The following KIAA0232 variants were observed in gnomAD, a reference collection of about 807,000 sequenced individuals.
KIAA0232 encodes the protein uncharacterized protein KIAA0232.
KIAA0232 carries 27 observed loss-of-function variants against 122.0 expected under a neutral mutation model. That is an observed-to-expected ratio of 0.22 (90% CI 0.16 to 0.31). KIAA0232 has a LOEUF of 0.31. Among genes scored for constraint, KIAA0232 ranks in the 10% least tolerant of loss-of-function variants. KIAA0232 has a pLI of 1.00. For synonymous variants in KIAA0232, 613 were observed against 587.6 expected (o/e 1.04, Z -0.63); for missense variants, 1,551 against 1,634.2 (o/e 0.95, Z 0.88).
rs1314879168 is a variant in KIAA0232, at chr4:6,856,667, C to T, written c.370-497C>T. 2.9e-5 allele frequency among the ~76,000 whole-genome samples: 4 copies of T among 136,012 alleles called. No homozygotes were observed. In the South Asian group the frequency reaches 9.9e-4, roughly 34 times the overall value. 89.2% of individuals were successfully genotyped at this position (136,012 alleles called of 152,430 possible). The stretch of plus-strand genomic sequence containing the variant: ...TTCTGTTGTTTTAATCATGAGTGTT[C>T]ATGTTTCTTTAAAACAGAAAAAAAA... On this transcript the variant is annotated intron_variant, in intron 4 of 9. Transcript: ENST00000307659.
At chr4:6,843,770 A>C (rs1186123364) in intron 4 of KIAA0232, among the ~76,000 whole-genome samples, 2 of 151,934 alleles carry the variant, frequency 1.3e-5, no homozygotes, top group Non-Finnish European at 2.9e-5. Flanking sequence ...ACTCCATCTC[A>C]AGAAAATAAA....
At chr4:6,811,750 T>A (rs993793534) in intron 2 of KIAA0232, among the ~76,000 whole-genome samples, 2 of 137,812 alleles carry the variant, frequency 1.5e-5, no homozygotes, top group Admixed American at 7.0e-5. Flanking sequence ...TGGCCTAATT[T>A]TTTTTTTTTT....
chr4:6,842,849 A>G lies in KIAA0232; in HGVS notation c.369+645A>G, dbSNP rs112876865. 8.0e-3 allele frequency among the ~76,000 whole-genome samples: 1,225 copies of G among 152,194 alleles called. 7 individuals carry two copies. The highest frequency in any genetic ancestry group is 0.013 in the Admixed American group (204 of 15,298). ...GGTGATCTGCCTGCCGTGGCCTCCC[A>G]AAGTGCTGAGATTATAGGCATGAGC... On this transcript the variant is annotated intron_variant, in intron 4 of 9. Transcript: ENST00000307659.
At position 6,882,684 on chromosome 4, in the gene KIAA0232, T is replaced by C. The variant is rs1423396780; in HGVS notation, c.*1718T>C. The C allele has an allele frequency of 1.3e-5, 2 of 152,662 alleles. No homozygotes were observed. Among genetic ancestry groups the C allele is most frequent in the African/African-American group, 2.4e-5 (1 of 41,456 alleles). 9.5% of individuals were successfully genotyped at this position (152,662 alleles called of 1,614,324 possible). The stretch of plus-strand genomic sequence containing the variant: ...CGCGCGCATGTGTAAGGTTTTATGT[T>C]GCTGTTATTTATTTACGAACTTCAG... On this transcript the variant is annotated 3_prime_UTR_variant, in exon 10 of 10. Coordinates refer to ENST00000307659, the MANE Select transcript of KIAA0232 (RefSeq NM_014743.3).
chr4:6,822,393 G>A (rs1281803019), intron 2 of KIAA0232, among the ~76,000 whole-genome samples: 1 of 152,166 alleles, frequency 6.6e-6, no homozygotes, highest in African/African-American at 2.4e-5. Flanking sequence ...ACTACATAGT[G>A]ATAGATAAAT....
intron 9 of KIAA0232, among the ~76,000 whole-genome samples, chr4:6,879,149 C>T (rs1577425168): frequency 6.6e-6 from 1 of 152,162 alleles, no homozygotes; most frequent in Non-Finnish European, 1.5e-5. Flanking sequence ...ATGGTCTTTT[C>T]ATTGTCCTTC....
chr4:6,799,086 A>C (rs1717260912), intron 1 of KIAA0232, among the ~76,000 whole-genome samples: 1 of 151,874 alleles, frequency 6.6e-6, no homozygotes, highest in African/African-American at 2.4e-5. Context: ...TCTGAGAGAG[A>C]GCTTGGTCCA....
chr4:6,821,660 A>T lies in KIAA0232; in HGVS notation c.-269-2525A>T, dbSNP rs1421973832. On this transcript the variant is annotated intron_variant, in intron 2 of 9. Transcript: ENST00000307659. Reference sequence around the variant, plus strand: ...TATATAGATACGTGTATATACGTGTATGTGTATACATATATACATGTATAT... The same window carrying T: ...TATATAGATACGTGTATATACGTGTTTGTGTATACATATATACATGTATAT... 6.2e-5 allele frequency among the ~76,000 whole-genome samples: 9 copies of T among 145,822 alleles called. No individual in the cohort carries two copies. In the East Asian group the frequency reaches 1.8e-3, roughly 29 times the overall value.
rs1198204146 is a variant in KIAA0232, at chr4:6,861,417, C to T, written c.1035C>T (p.Asn345=). The T allele has an allele frequency of 3.7e-6, 6 of 1,614,044 alleles. No individual in the cohort carries two copies. The highest frequency in any genetic ancestry group is 5.1e-6 in the Non-Finnish European group (6 of 1,180,036). The change falls in exon 7 of 10, where the codon AAC becomes AAT. Residue 345 remains asparagine, a synonymous_variant. Transcript: ENST00000307659. ...AGCACGGTGAAAAGGCTGAAAGGAA[C>T]ATTCATACTGGAAGTAGTAGCAGTA... ...SLKHGEKAER[N]IHTGSSSSSS...
intron 4 of KIAA0232, among the ~76,000 whole-genome samples, chr4:6,853,213 G>T (rs2108773329): frequency 6.6e-6 from 1 of 152,284 alleles, no homozygotes; most frequent in South Asian, 2.1e-4. Flanking sequence ...CTGGAAAGAA[G>T]AAACATTTGA....
At chr4:6,822,662 C>T (rs1046495185) in intron 2 of KIAA0232, among the ~76,000 whole-genome samples, 4 of 151,712 alleles carry the variant, frequency 2.6e-5, no homozygotes, top group African/African-American at 9.7e-5. Flanking sequence ...ATTACTTTCA[C>T]ATATTGAAAG....
intron 3 of KIAA0232, among the ~76,000 whole-genome samples, chr4:6,826,662 A>G (rs993761202): frequency 2.6e-5 from 4 of 152,028 alleles, no homozygotes; most frequent in African/African-American, 4.8e-5. Flanking sequence ...GTGGCACCCC[A>G]CCCAGCTAAT....
At chr4:6,799,301 C>T (rs759752539) in intron 1 of KIAA0232, among the ~76,000 whole-genome samples, 6 of 148,358 alleles carry the variant, frequency 4.0e-5, no homozygotes, top group Admixed American at 2.7e-4. Flanking sequence ...TCTAGTATGA[C>T]CTCATTTTAA....
At chr4:6,806,665 C>T (rs547758729) in intron 2 of KIAA0232, among the ~76,000 whole-genome samples, 22 of 126,438 alleles carry the variant, frequency 1.7e-4, no homozygotes, top group African/African-American at 5.3e-4. Context: ...ACCTGGGAGG[C>T]GGAGCTTGCA....
chr4:6,861,958 A>T lies in KIAA0232; in HGVS notation c.1576A>T (p.Thr526Ser). 1.2e-6 allele frequency: 2 copies of T among 1,614,146 alleles called. No individual in the cohort carries two copies. Among genetic ancestry groups the T allele is most frequent in the Non-Finnish European group, 1.7e-6 (2 of 1,179,982 alleles). ...QSMLDPGASE[T>S]MQGESRILNM... ...CATGTTGGATCCTGGTGCCTCAGAA[A>T]CAATGCAAGGAGAAAGTCGGATTTT... is the stretch of plus-strand genomic sequence containing the variant. Residue 526 changes from threonine (T) to serine (S), a missense_variant, in exon 7 of 10, where the codon ACA (threonine) becomes TCA (serine). Transcript: ENST00000307659.
At chr4:6,837,642 G>A (rs1057006760) in intron 3 of KIAA0232, among the ~76,000 whole-genome samples, 2 of 152,218 alleles carry the variant, frequency 1.3e-5, no homozygotes, top group African/African-American at 2.4e-5. Flanking sequence ...CTGAGTGAGC[G>A]AGACTCCGTC....
Position 6,857,190 on chromosome 4 carries a change from G to A in KIAA0232, c.396G>A (p.Glu132=). 1.2e-6 allele frequency: 2 copies of A among 1,610,220 alleles called. No homozygotes were observed. The highest frequency in any genetic ancestry group is 1.7e-6 in the Non-Finnish European group (2 of 1,178,134). ...DESSGIETLV[E]ELCSRLKDLQ... is the part of the protein sequence containing the mutation. ...GCTCTGGTATCGAGACTTTAGTGGAGGAGCTCTGCTCCAGACTGAAAGACC... is the reference window on the plus strand; with the variant it reads ...GCTCTGGTATCGAGACTTTAGTGGAAGAGCTCTGCTCCAGACTGAAAGACC... Residue 132 remains glutamate, a synonymous_variant, in exon 5 of 10, where the codon GAG becomes GAA. Coordinates refer to ENST00000307659, the MANE Select transcript of KIAA0232 (RefSeq NM_014743.3).
chr4:6,862,803 T>G lies in KIAA0232; in HGVS notation c.2421T>G (p.Thr807=). ...EQKTENKNFE[T]TQVCNESPHG... ...AAACAGAAAACAAAAATTTTGAAAC[T>G]ACACAAGTATGTAATGAAAGTCCAC... is the stretch of plus-strand genomic sequence containing the variant. Residue 807 remains threonine (T), a synonymous_variant, in exon 7 of 10, where the codon ACT becomes ACG. Transcript: ENST00000307659. The G allele has an allele frequency of 6.2e-7, 1 of 1,614,122 alleles. No homozygotes were observed. The highest frequency in any genetic ancestry group is 1.3e-5 in the African/African-American group (1 of 75,046).
intron 1 of KIAA0232, among the ~76,000 whole-genome samples, chr4:6,787,177 CAAAAA>C (rs34617834): frequency 2.5e-5 from 2 of 81,438 alleles, no homozygotes; most frequent in Non-Finnish European, 4.6e-5. Flanking sequence ...AAGGCTCTCT[CAAAAA>C]AAAAAAAAAA....
Sources: gnomAD v4.1 joint callset for allele counts (sites outside exome capture counted in the v4.1 genomes callset) on GRCh38, gnomAD v4.1.1 for gene constraint, MANE v1.5 for transcripts, NCBI Gene and HGNC (gene_info 2026-07-23, HGNC 2026-07-21) for gene names.